Variants in IQCJ observed in about 807,000 individuals in gnomAD.
IQCJ encodes IQ motif containing J, also known as IQ domain-containing protein J.
IQCJ carries 9 observed loss-of-function variants against 11.0 expected under a neutral mutation model. That is an observed-to-expected ratio of 0.82 (90% CI 0.49 to 1.43). The LOEUF (loss-of-function observed/expected upper bound fraction) is 1.43. Among genes scored for constraint, IQCJ ranks in the 40% most tolerant of loss-of-function variants. IQCJ has a pLI of 0.00. For synonymous variants in IQCJ, 55 were observed against 51.3 expected (o/e 1.07, Z -0.31); for missense variants, 146 against 133.2 (o/e 1.10, Z -0.47).
chr3:159,224,623 C>G (rs559454916), intron 1 of IQCJ, among the ~76,000 whole-genome samples: 2 of 152,196 alleles, frequency 1.3e-5, no homozygotes, highest in Non-Finnish European at 2.9e-5. Flanking sequence ...CAGTAGACCA[C>G]TATGAACTTC....
At chr3:159,228,589 G>A (rs1726000271) in intron 1 of IQCJ, among the ~76,000 whole-genome samples, 1 of 152,002 alleles carries the variant, frequency 6.6e-6, no homozygotes, top group Admixed American at 6.6e-5. Context: ...AGGAGATCGA[G>A]ACCATCCCGG....
chr3:159,132,098 A>T (rs968144962), intron 1 of IQCJ, among the ~76,000 whole-genome samples: 14 of 152,180 alleles, frequency 9.2e-5, no homozygotes, highest in African/African-American at 3.4e-4. Flanking sequence ...ACTAAATGCT[A>T]AAGAAAGATC....
chr3:159,151,867 C>G (rs2108203570), intron 1 of IQCJ, among the ~76,000 whole-genome samples: 1 of 152,310 alleles, frequency 6.6e-6, no homozygotes, highest in South Asian at 2.1e-4. Flanking sequence ...ATCTCCCAAC[C>G]TCGTGATCCG....
chr3:159,192,811 G>C (rs748710983), intron 1 of IQCJ, among the ~76,000 whole-genome samples: 3 of 152,152 alleles, frequency 2.0e-5, no homozygotes, highest in Non-Finnish European at 2.9e-5. Flanking sequence ...CAGGTTCACT[G>C]TCTTGAAATA....
chr3:159,115,479 A>T (rs1195658876), intron 1 of IQCJ, among the ~76,000 whole-genome samples: 2 of 152,148 alleles, frequency 1.3e-5, no homozygotes, highest in African/African-American at 4.8e-5. Flanking sequence ...AAAGAGTGTA[A>T]GTTGTAGTGA....
At chr3:159,078,124 C>CTG (rs1449825495) in intron 1 of IQCJ, among the ~76,000 whole-genome samples, 5 of 148,888 alleles carry the variant, frequency 3.4e-5, no homozygotes, top group South Asian at 2.2e-4. Flanking sequence ...AGAGAGGAAA[C>CTG]ATTAAATCAA....
intron 1 of IQCJ, among the ~76,000 whole-genome samples, chr3:159,092,388 C>T (rs1717375671): frequency 1.3e-5 from 2 of 151,772 alleles, no homozygotes; most frequent in Admixed American, 6.6e-5. Flanking sequence ...CTCCTCTCTA[C>T]CCTGTATAAA....
At chr3:159,160,728 T>C (rs927875714) in intron 1 of IQCJ, among the ~76,000 whole-genome samples, 5 of 134,714 alleles carry the variant, frequency 3.7e-5, no homozygotes, top group African/African-American at 1.1e-4. Context: ...TTCCCCTTCC[T>C]GTGTCCATGT....
At chr3:159,210,218 A>T (rs1423354609) in intron 1 of IQCJ, among the ~76,000 whole-genome samples, 1 of 152,006 alleles carries the variant, frequency 6.6e-6, no homozygotes, top group Non-Finnish European at 1.5e-5. Flanking sequence ...GCTAAAAATC[A>T]CTCTGCTTTT....
intron 1 of IQCJ, among the ~76,000 whole-genome samples, chr3:159,189,572 A>G (rs1465776335): frequency 6.6e-6 from 1 of 152,180 alleles, no homozygotes; most frequent in Non-Finnish European, 1.5e-5. Context: ...ATGAAGCTCT[A>G]GAAACTAATT....
chr3:159,211,573 A>G (rs1724953719), intron 1 of IQCJ, among the ~76,000 whole-genome samples: 1 of 152,230 alleles, frequency 6.6e-6, no homozygotes, highest in South Asian at 2.1e-4. Context: ...AGAGATGAAT[A>G]TTAAGGATTG....
chr3:159,114,844 C>T (rs762777701), intron 1 of IQCJ, among the ~76,000 whole-genome samples: 6 of 152,190 alleles, frequency 3.9e-5, no homozygotes, highest in Non-Finnish European at 8.8e-5. Context: ...TCTTGATCTG[C>T]TCCGGAAGCT....
At chr3:159,263,939 G>A (rs1728359183), downstream of IQCJ, among the ~76,000 whole-genome samples, 1 of 152,182 alleles carries the variant, frequency 6.6e-6, no homozygotes, top group African/African-American at 2.4e-5. Flanking sequence ...GGGCACTCGT[G>A]AACTACACTG....
At chr3:159,214,253 G>T (rs1444977571) in intron 1 of IQCJ, among the ~76,000 whole-genome samples, 3 of 152,028 alleles carry the variant, frequency 2.0e-5, no homozygotes, top group East Asian at 3.9e-4. Flanking sequence ...TCCGTTAATG[G>T]AGTAAAGAAG....
rs1720475433 is a variant in IQCJ at position 159,139,387 on chromosome 3, A to G, written c.9+69946A>G. On this transcript the variant is annotated intron_variant, in intron 1 of 3. Transcript: ENST00000397832. ...ATATTGTTAGCCTGTTTGCTGTGAG[A>G]CTGTGTGACTTGGATGCACCCCAAC... Among the ~76,000 whole-genome samples the G allele has an allele frequency of 2.6e-5, 4 of 152,116 alleles. No homozygotes were observed. The South Asian group carries it at 8.3e-4, about 31-fold the overall frequency.
At chr3:159,156,890 G>A (rs1272805600) in intron 1 of IQCJ, among the ~76,000 whole-genome samples, 3 of 152,156 alleles carry the variant, frequency 2.0e-5, no homozygotes, top group Admixed American at 1.3e-4. Context: ...TTCCAATTCA[G>A]CTATGAGAAG....
chr3:159,193,101 G>T (rs143985317), intron 1 of IQCJ, among the ~76,000 whole-genome samples: 4 of 152,118 alleles, frequency 2.6e-5, no homozygotes, highest in African/African-American at 9.7e-5. Flanking sequence ...TTTTCAGTCC[G>T]TAACTGCTAC....
chr3:159,082,579 A>G (rs1335175889), intron 1 of IQCJ, among the ~76,000 whole-genome samples: 1 of 152,090 alleles, frequency 6.6e-6, no homozygotes, highest in Non-Finnish European at 1.5e-5. Flanking sequence ...GCATCTGCAA[A>G]GCATCTCTGA....
In IQCJ at chr3:159,095,453, C is replaced by T. The variant is rs1345574128; in HGVS notation, c.9+26012C>T. ...TATGTATACATGTGCCATGCTGGTG[C>T]GCTGCACCCACTAGTGTGTCATCTA... On this transcript the variant is annotated intron_variant, in intron 1 of 3. Transcript: ENST00000397832. Among the ~76,000 whole-genome samples the T allele has an allele frequency of 1.4e-4, 20 of 142,616 alleles. No individual in the cohort carries two copies. In the South Asian group the frequency reaches 1.9e-3, roughly 13 times the overall value. 93.6% of individuals were successfully genotyped at this position (142,616 alleles called of 152,430 possible). A position where few individuals can be genotyped will look rare whatever the true frequency, so the allele number is the denominator to read the frequency against.
Sources: gnomAD v4.1 joint callset for allele counts (sites outside exome capture counted in the v4.1 genomes callset) on GRCh38, gnomAD v4.1.1 for gene constraint, MANE v1.5 for transcripts, NCBI Gene and HGNC (gene_info 2026-07-23, HGNC 2026-07-21) for gene names.